Variants in LOXHD1 observed in about 807,000 individuals in gnomAD.
LOXHD1 encodes lipoxygenase homology PLAT domains 1.
LOXHD1 carries 205 observed loss-of-function variants against 248.2 expected under a neutral mutation model. The ratio of observed to expected loss-of-function variants is 0.83; its 90% CI spans 0.74 to 0.93. The LOEUF (loss-of-function observed/expected upper bound fraction) is 0.93, where lower values mean the gene tolerates loss of function less well. LOXHD1 is among the 40% of genes least tolerant of loss of function. The pLI, the probability that LOXHD1 is intolerant of heterozygous loss-of-function variation, is 0.00. For synonymous variants in LOXHD1, 1,113 were observed against 1,162.8 expected (o/e 0.96, Z 0.87); for missense variants, 2,930 against 2,971.6 (o/e 0.99, Z 0.33).
intron 21 of LOXHD1, among the ~76,000 whole-genome samples, chr18:46,556,063 A>G (rs1401373476): frequency 6.6e-6 from 1 of 151,200 alleles, no homozygotes; most frequent in African/African-American, 2.4e-5. Flanking sequence ...TGTGAAAATT[A>G]TATGAATTTC....
intron 6 of LOXHD1, among the ~76,000 whole-genome samples, chr18:46,606,828 TTAA>T (rs1380581061): frequency 6.6e-6 from 1 of 152,182 alleles, no homozygotes; most frequent in African/African-American, 2.4e-5. Context: ...GGAGATTGGT[TTAA>T]TAAGTCATGG....
chr18:46,612,082 G>A (rs1281003043), intron 5 of LOXHD1, among the ~76,000 whole-genome samples: 2 of 152,254 alleles, frequency 1.3e-5, no homozygotes, highest in East Asian at 3.9e-4. Flanking sequence ...TTATTCATCT[G>A]ACTGCTGTAT....
chr18:46,579,223 C>A (rs1286143014), intron 13 of LOXHD1, among the ~76,000 whole-genome samples: 1 of 152,226 alleles, frequency 6.6e-6, no homozygotes, highest in Non-Finnish European at 1.5e-5. Context: ...CGGCATCTTT[C>A]CCTCTCCGCC....
At chr18:46,574,426 C>T (rs1211915736) in intron 14 of LOXHD1, among the ~76,000 whole-genome samples, 4 of 151,008 alleles carry the variant, frequency 2.6e-5, no homozygotes, top group Non-Finnish European at 5.9e-5. Flanking sequence ...CACACCTGAT[C>T]CTAGCAGAAA....
Position 46,521,078 on chromosome 18 carries a change from C to T in LOXHD1, c.5271+19G>A. On this transcript the variant is annotated intron_variant, in intron 33 of 40. Coordinates refer to ENST00000642948, the MANE Select transcript of LOXHD1 (RefSeq NM_001384474.1). ...CACTGCCCTGGCCATGCACTGCACA[C>T]TCACAGTGCCCCCCCTACCTTCACC... 2 of 1,550,600 alleles carry T rather than the reference C, an allele frequency of 1.3e-6. No individual in the cohort carries two copies. Among genetic ancestry groups the T allele is most frequent in the East Asian group, 2.4e-5 (1 of 40,908 alleles).
At position 46,533,295 on chromosome 18, in the gene LOXHD1, A is replaced by T; in HGVS notation, c.4242T>A (p.Asp1414Glu). 2 of 1,551,854 alleles carry T rather than the reference A, an allele frequency of 1.3e-6. No individual in the cohort carries two copies. Among genetic ancestry groups the T allele is most frequent in the Non-Finnish European group, 1.7e-6 (2 of 1,147,020 alleles). ...CATCCTCAGAGGTGGCAAGCCACCG[A>T]TCGCATGGGAAAGTCAAGGTCTCTG... is the stretch of plus-strand genomic sequence containing the variant. ...DGAETLTFPC[D>E]RWLATSEDDK... is the part of the protein sequence containing the mutation. Residue 1414 changes from aspartate (D) to glutamate (E), a missense_variant, in exon 28 of 41, where the codon GAT becomes GAA. Physicochemically the swap from Asp to Glu is conservative, Grantham distance 45. Transcript: ENST00000642948.
rs188812111 is a variant in LOXHD1, at chr18:46,506,891, G to A, written c.5692+647C>T. ...CTCCTGGAGAGCAGGCTTGGGATAG[G>A]GGAGTGTAGGTAGGAGGTACTGCCC... On this transcript the variant is annotated intron_variant, in intron 36 of 40. Transcript: ENST00000642948. Among the ~76,000 whole-genome samples the A allele has an allele frequency of 1.3e-4, 20 of 152,278 alleles. No individual in the cohort carries two copies. The East Asian group carries it at 3.7e-3, about 28-fold the overall frequency.
In LOXHD1 at chr18:46,559,106, C is replaced by T. The variant is rs1470994787; in HGVS notation, c.3216+342G>A. On this transcript the variant is annotated intron_variant, in intron 20 of 40. Transcript: ENST00000642948. ...GGCCCAGTTTAAGTTGCTCCCTCCC[C>T]CTAGTTTTCCCCCAAGACACCATCT... The T allele has an allele frequency of 6.1e-6, 8 of 1,318,706 alleles. No individual in the cohort carries two copies. In the Admixed American group the frequency reaches 1.6e-4, roughly 26 times the overall value. 81.7% of individuals were successfully genotyped at this position (1,318,706 alleles called of 1,614,324 possible).
At chr18:46,542,357 G>A (rs1163619148) in intron 24 of LOXHD1, among the ~76,000 whole-genome samples, 1 of 152,170 alleles carries the variant, frequency 6.6e-6, no homozygotes, top group Non-Finnish European at 1.5e-5. Flanking sequence ...TTGAATCAAA[G>A]GCTCTGGGGG....
At chr18:46,527,166 G>A (rs2035866416) in intron 29 of LOXHD1, among the ~76,000 whole-genome samples, 1 of 151,458 alleles carries the variant, frequency 6.6e-6, no homozygotes. Context: ...TGAACGCAGA[G>A]GGGAATGGCT....
intron 27 of LOXHD1, chr18:46,533,589 G>T: frequency 4.6e-6 from 2 of 434,734 alleles, no homozygotes; most frequent in Non-Finnish European, 8.4e-6. Flanking sequence ...TGGAGACTCA[G>T]ATTCAGTGGG....
In LOXHD1 at chr18:46,505,994, T is replaced by A; in HGVS notation, c.5722A>T (p.Ile1908Phe). The A allele has an allele frequency of 1.3e-6, 2 of 1,552,266 alleles. No homozygotes were observed. The highest frequency in any genetic ancestry group is 2.4e-5 in the South Asian group (2 of 84,052). ...CTATCCCCGTTCTCCCCGAAGATGA[T>A]GATGAACACGTTGGCATCAGTGCCT... ...GAGTDANVFIIIFGENGDSGT... is the reference protein window; with the variant it reads ...GAGTDANVFIFIFGENGDSGT... The change falls in exon 37 of 41, where the codon ATC becomes TTC. Residue 1908 changes from isoleucine (I) to phenylalanine (F), a missense_variant. Coordinates refer to ENST00000642948, the MANE Select transcript of LOXHD1 (RefSeq NM_001384474.1).
At chr18:46,548,435 G>A (rs1312283269) in intron 21 of LOXHD1, among the ~76,000 whole-genome samples, 2 of 152,190 alleles carry the variant, frequency 1.3e-5, no homozygotes, top group African/African-American at 4.8e-5. Flanking sequence ...CTCAGTCAAT[G>A]GGCTCAGATG....
At chr18:46,592,431 C>G (rs2038188540) in intron 11 of LOXHD1, 67 bp downstream of exon 11, 10 of 1,279,898 alleles carry the variant, frequency 7.8e-6, no homozygotes, top group Non-Finnish European at 1.1e-5. Flanking sequence ...GTGACAGGGT[C>G]ATTGAAAAGG....
intron 38 of LOXHD1, among the ~76,000 whole-genome samples, chr18:46,488,136 A>G (rs2033200032): frequency 6.6e-6 from 1 of 152,198 alleles, no homozygotes; most frequent in African/African-American, 2.4e-5. Flanking sequence ...CTGACTGGGC[A>G]GCCTTAAAAG....
chr18:46,639,086 C>T (rs938014800), intron 4 of LOXHD1, among the ~76,000 whole-genome samples: 7 of 152,094 alleles, frequency 4.6e-5, no homozygotes, highest in Non-Finnish European at 8.8e-5. Flanking sequence ...TTAAAATGAT[C>T]GAATTTAAGG....
chr18:46,534,331 T>A lies in LOXHD1; in HGVS notation c.4212+4A>T. 6.5e-7 allele frequency: 1 copy of A among 1,548,136 alleles called. No individual in the cohort carries two copies. Among genetic ancestry groups the A allele is most frequent in the Non-Finnish European group, 8.7e-7 (1 of 1,143,878 alleles). ...ACAGCAGGACAGACCAGTCAACAAC[T>A]CACGTCTTTATCCGGGAGGAGCCTG... On this transcript the variant is annotated splice_donor_region_variant and intron_variant, in intron 27 of 40. Transcript: ENST00000642948.
intron 26 of LOXHD1, among the ~76,000 whole-genome samples, chr18:46,537,044 C>T (rs1307301859): frequency 6.6e-6 from 1 of 152,184 alleles, no homozygotes; most frequent in African/African-American, 2.4e-5. Flanking sequence ...ATGCTTATTT[C>T]CACCTCTGAG....
rs572688785 is a variant in LOXHD1, at chr18:46,518,569, G to A, written c.5272-313C>T. Among the ~76,000 whole-genome samples, 75 of 152,322 alleles carry A rather than the reference G, an allele frequency of 4.9e-4. 1 individual carries two copies. The South Asian group carries it at 0.013, about 26-fold the overall frequency. On this transcript the variant is annotated intron_variant, in intron 33 of 40. Coordinates refer to ENST00000642948, the MANE Select transcript of LOXHD1 (RefSeq NM_001384474.1). ...ACCTAAGTCCAGGCATGCCAGCAGCGCATGGTGGCAGGACAGTGGCCTTTG... is the reference window on the plus strand; with the variant it reads ...ACCTAAGTCCAGGCATGCCAGCAGCACATGGTGGCAGGACAGTGGCCTTTG...
Sources: gnomAD v4.1 joint callset for allele counts (sites outside exome capture counted in the v4.1 genomes callset) on GRCh38, gnomAD v4.1.1 for gene constraint, MANE v1.5 for transcripts, NCBI Gene and HGNC (gene_info 2026-07-23, HGNC 2026-07-21) for gene names.